PTPN2: variants seen among roughly 807,000 people sequenced by gnomAD.
The protein encoded by PTPN2 is protein tyrosine phosphatase non-receptor type 2, also known as tyrosine-protein phosphatase non-receptor type 2.
PTPN2 carries 19 observed loss-of-function variants against 57.3 expected under a neutral mutation model. The ratio of observed to expected loss-of-function variants is 0.33; its 90% CI spans 0.23 to 0.49. The LOEUF is 0.49. Ranked by LOEUF, PTPN2 falls within the 20% of genes least tolerant of loss-of-function variation. The probability of loss-of-function intolerance (pLI) is 0.99; values close to 1 mark genes in which losing one functional copy is unlikely to be tolerated. For missense variants in PTPN2, 358 were observed against 501.1 expected (o/e 0.71, Z 2.73); for synonymous variants, 153 against 164.9 (o/e 0.93, Z 0.55).
chr18:12,876,023 C>T (rs1182057254), intron 1 of PTPN2, among the ~76,000 whole-genome samples: 1 of 152,078 alleles, frequency 6.6e-6, no homozygotes, highest in Non-Finnish European at 1.5e-5. Flanking sequence ...GTCTGGACAA[C>T]ATGGTGAGAA....
chr18:12,851,115 C>T (rs980778393), intron 2 of PTPN2, among the ~76,000 whole-genome samples: 3 of 152,048 alleles, frequency 2.0e-5, no homozygotes, highest in African/African-American at 7.2e-5. Flanking sequence ...CATGTCAGTC[C>T]TAGAAAAATG....
In PTPN2 at chr18:12,858,258, C is replaced by T. The variant is rs543210373; in HGVS notation, c.160+906G>A. ...CAATCTGATACTGTTTTTCAAGTCC[C>T]TACCAACAGGGAGCCCTAAAGAGAA... On this transcript the variant is annotated intron_variant, in intron 2 of 8. Transcript: ENST00000309660. Among the ~76,000 whole-genome samples, 7 of 152,280 alleles carry T rather than the reference C, an allele frequency of 4.6e-5. No individual in the cohort carries two copies. In the South Asian group the frequency reaches 6.2e-4, roughly 14 times the overall value.
In PTPN2 at chr18:12,873,367, C is replaced by T. The variant is rs555972695; in HGVS notation, c.69+10706G>A. On this transcript the variant is annotated intron_variant, in intron 1 of 8. Coordinates refer to ENST00000309660, the MANE Select transcript of PTPN2 (RefSeq NM_002828.4). ...AAGCTGGACTGTACTGCTGCCATCT[C>T]GGCTCACTGCAACCTCCCTGCCTGA... Among the ~76,000 whole-genome samples, 22 of 152,320 alleles carry T rather than the reference C, an allele frequency of 1.4e-4. No individual in the cohort carries two copies. The East Asian group carries it at 3.1e-3, about 21-fold the overall frequency.
intron 2 of PTPN2, among the ~76,000 whole-genome samples, chr18:12,846,627 C>T (rs935720954): frequency 2.0e-5 from 3 of 152,292 alleles, no homozygotes; most frequent in Middle Eastern, 3.4e-3. Flanking sequence ...CTTTCCCTGT[C>T]GCAGACGTGG....
At chr18:12,800,757 CAA>C (rs912648527) in intron 8 of PTPN2, among the ~76,000 whole-genome samples, 2 of 151,916 alleles carry the variant, frequency 1.3e-5, no homozygotes, top group African/African-American at 4.8e-5. Flanking sequence ...GTATATTTGG[CAA>C]AAAGAGAAGA....
At chr18:12,810,114 C>T (rs990145286) in intron 7 of PTPN2, among the ~76,000 whole-genome samples, 7 of 151,898 alleles carry the variant, frequency 4.6e-5, no homozygotes, top group African/African-American at 7.3e-5. Context: ...CCCGGGAGGC[C>T]GAGGTTGTAG....
At chr18:12,846,958 T>C (rs2043230700) in intron 2 of PTPN2, among the ~76,000 whole-genome samples, 1 of 152,098 alleles carries the variant, frequency 6.6e-6, no homozygotes. Context: ...GATTTAATTA[T>C]TCAGGGACAG....
intron 1 of PTPN2, chr18:12,869,195 G>C (rs1436722590): frequency 6.6e-6 from 1 of 152,132 alleles, no homozygotes; most frequent in Non-Finnish European, 1.5e-5. Flanking sequence ...TTATATTTTT[G>C]AGACAAAGTC....
At chr18:12,804,745 C>T (rs1009723275) in intron 7 of PTPN2, among the ~76,000 whole-genome samples, 32 of 152,162 alleles carry the variant, frequency 2.1e-4, no homozygotes, top group African/African-American at 6.5e-4. Flanking sequence ...AATAAAAAGT[C>T]TCCCATCAAA....
chr18:12,836,293 G>A (rs1363200007), intron 3 of PTPN2, among the ~76,000 whole-genome samples: 1 of 152,240 alleles, frequency 6.6e-6, no homozygotes, highest in African/African-American at 2.4e-5. Flanking sequence ...GCCACAGGGA[G>A]CACAAGGCCT....
In PTPN2 at chr18:12,794,368, T is replaced by C. The variant is rs1192225051; in HGVS notation, c.1158A>G (p.Gln386=). 3 of 1,614,226 alleles carry C rather than the reference T, an allele frequency of 1.9e-6. No individual in the cohort carries two copies. Among genetic ancestry groups the C allele is most frequent in the East Asian group, 2.2e-5 (1 of 44,892 alleles). ...TAAACCCCATCTTAGTGAGAATAGGTTGCCAATATAACCACCTTTTTCTTT... is the reference window on the plus strand; with the variant it reads ...TAAACCCCATCTTAGTGAGAATAGGCTGCCAATATAACCACCTTTTTCTTT... The part of the protein sequence containing the change: ...ERKRKRWLYW[Q]PILTKMGFMS... The change falls in exon 9 of 9, where the codon CAA becomes CAG. Residue 386 remains glutamine, a synonymous_variant. Coordinates refer to ENST00000309660, the MANE Select transcript of PTPN2 (RefSeq NM_002828.4).
chr18:12,855,967 T>C (rs909356385), intron 2 of PTPN2, among the ~76,000 whole-genome samples: 2 of 152,210 alleles, frequency 1.3e-5, no homozygotes, highest in African/African-American at 4.8e-5. Context: ...CTAAAGATCC[T>C]GCTGAAGTCA....
downstream of PTPN2, chr18:12,787,318 A>G (rs2040867754): frequency 6.6e-6 from 1 of 152,210 alleles, no homozygotes; most frequent in East Asian, 1.9e-4. Context: ...AAGTCTACAG[A>G]CTGCAGAGTG....
intron 7 of PTPN2, among the ~76,000 whole-genome samples, chr18:12,810,755 G>A (rs1423919101): frequency 6.6e-6 from 1 of 152,238 alleles, no homozygotes; most frequent in Non-Finnish European, 1.5e-5. Flanking sequence ...TAGGAGAGAT[G>A]AGGCTGGAAA....
chr18:12,831,094 G>A (rs909517157), intron 3 of PTPN2, 53 bp from the exon 4 acceptor site: 6 of 1,336,766 alleles, frequency 4.5e-6, no homozygotes, highest in Admixed American at 1.7e-5. Flanking sequence ...GAAAGAGCAA[G>A]GCTCCAGGAA....
At chr18:12,819,382 G>C in intron 5 of PTPN2, 1 of 580,226 alleles carries the variant, frequency 1.7e-6, no homozygotes, top group Non-Finnish European at 2.9e-6. Context: ...AGTGAACAAA[G>C]CCAGACTAAA....
chr18:12,814,410 A>C (rs527991854), intron 6 of PTPN2, 55 bp from the exon 7 acceptor site: 2 of 1,441,708 alleles, frequency 1.4e-6, no homozygotes, highest in Admixed American at 2.4e-5. Context: ...CAGGAAACAG[A>C]ATCAATGCAA....
intron 2 of PTPN2, among the ~76,000 whole-genome samples, chr18:12,857,690 C>T (rs919197022): frequency 5.3e-5 from 8 of 152,054 alleles, no homozygotes; most frequent in African/African-American, 7.2e-5. Context: ...TGCCCACACC[C>T]GCTATTCCCT....
chr18:12,880,286 T>C (rs1000392471), intron 1 of PTPN2, among the ~76,000 whole-genome samples: 3 of 151,738 alleles, frequency 2.0e-5, no homozygotes, highest in Non-Finnish European at 4.4e-5. Flanking sequence ...GGGAGGAAAG[T>C]GATAGGGGAA....
Sources: gnomAD v4.1 joint callset for allele counts (sites outside exome capture counted in the v4.1 genomes callset) on GRCh38, gnomAD v4.1.1 for gene constraint, MANE v1.5 for transcripts, NCBI Gene and HGNC (gene_info 2026-07-23, HGNC 2026-07-21) for gene names.